RASGEF1A: variants seen among roughly 807,000 people sequenced by gnomAD.
RASGEF1A encodes ras-GEF domain-containing family member 1A.
In RASGEF1A, 18 loss-of-function variants were observed where a neutral mutation model predicts 56.4. That is an observed-to-expected ratio of 0.32 (90% CI 0.22 to 0.47). The LOEUF (loss-of-function observed/expected upper bound fraction) is 0.47, where lower values mean the gene tolerates loss of function less well. RASGEF1A is among the 20% of genes least tolerant of loss of function. The pLI is 1.00. For missense variants in RASGEF1A, 422 were observed against 627.1 expected (o/e 0.67, Z 3.49); for synonymous variants, 245 against 242.6 (o/e 1.01, Z -0.09).
chr10:43,240,523 C>T (rs1049858627), intron 1 of RASGEF1A, among the ~76,000 whole-genome samples: 1 of 151,864 alleles, frequency 6.6e-6, no homozygotes, highest in Middle Eastern at 3.2e-3. Flanking sequence ...TAAAGGAATA[C>T]AAATTATAAA....
chr10:43,228,142 C>CT (rs1564536780), intron 1 of RASGEF1A, among the ~76,000 whole-genome samples: 1 of 152,214 alleles, frequency 6.6e-6, no homozygotes, highest in Non-Finnish European at 1.5e-5. Context: ...GTCCCACCTC[C>CT]TCTTGGGCTC....
At position 43,215,509 on chromosome 10, in the gene RASGEF1A, G is replaced by A. The variant is rs117219510; in HGVS notation, c.-6-9387C>T. 8.8e-3 allele frequency among the ~76,000 whole-genome samples: 1,344 copies of A among 152,340 alleles called. 11 individuals carry two copies. Among genetic ancestry groups the A allele is most frequent in the Admixed American group, 0.013 (203 of 15,306 alleles). On this transcript the variant is annotated intron_variant, in intron 1 of 12. Coordinates refer to ENST00000395810, the MANE Select transcript of RASGEF1A (RefSeq NM_145313.4). ...GTGGGCCTCAGGAGGGGAGAGACCT[G>A]CGCACCTACCTGTGCTGGGCTGGAT...
intron 1 of RASGEF1A, among the ~76,000 whole-genome samples, chr10:43,237,995 G>C (rs1455775758): frequency 6.6e-6 from 1 of 152,126 alleles, no homozygotes; most frequent in Non-Finnish European, 1.5e-5. Context: ...CATCAGGGGA[G>C]TGGGCCACAC....
chr10:43,203,291 G>C lies in RASGEF1A; in HGVS notation c.321+7C>G. On this transcript the variant is annotated splice_region_variant and intron_variant, in intron 3 of 12. Coordinates refer to ENST00000395810, the MANE Select transcript of RASGEF1A (RefSeq NM_145313.4). The stretch of plus-strand genomic sequence containing the variant: ...CCCGCCCGTGCCCCAGCCAGGCCCC[G>C]CCTCACCTTTTCAGGCCCGGCTTCC... 1 of 1,540,006 alleles carries C rather than the reference G, an allele frequency of 6.5e-7. No homozygotes were observed. The highest frequency in any genetic ancestry group is 8.8e-7 in the Non-Finnish European group (1 of 1,141,562).
At chr10:43,243,592 C>T (rs567251101) in intron 1 of RASGEF1A, among the ~76,000 whole-genome samples, 28 of 146,814 alleles carry the variant, frequency 1.9e-4, no homozygotes, top group Middle Eastern at 3.9e-3. Flanking sequence ...TCTGCCTGGC[C>T]GCTGCCCCAT....
intron 1 of RASGEF1A, among the ~76,000 whole-genome samples, chr10:43,248,549 C>T (rs1416968123): frequency 6.6e-6 from 1 of 152,146 alleles, no homozygotes; most frequent in African/African-American, 2.4e-5. Context: ...GGACAGCACT[C>T]GATGACCCTC....
At chr10:43,253,008 G>GCCAC (rs1840644640) in intron 1 of RASGEF1A, among the ~76,000 whole-genome samples, 1 of 152,206 alleles carries the variant, frequency 6.6e-6, no homozygotes, top group Non-Finnish European at 1.5e-5. Flanking sequence ...CGAGTTCAAA[G>GCCAC]GAGCCCATCG....
intron 2 of RASGEF1A, chr10:43,203,946 A>C (rs1440552486): frequency 6.1e-6 from 1 of 163,078 alleles, no homozygotes. Context: ...GGGCCCCATC[A>C]GCAGGGGCGG....
intron 1 of RASGEF1A, chr10:43,207,098 G>C (rs1413430896): frequency 2.0e-6 from 2 of 985,478 alleles, no homozygotes; most frequent in East Asian, 2.3e-4. Context: ...GCCAAGTGGG[G>C]ACTGGACGAT....
intron 6 of RASGEF1A, 145 bp from the exon 7 acceptor site, chr10:43,199,913 G>A: frequency 1.3e-6 from 1 of 748,898 alleles, no homozygotes; most frequent in East Asian, 2.7e-5. Flanking sequence ...GCTGCCCAGT[G>A]CAGGGCTGGC....
intron 1 of RASGEF1A, among the ~76,000 whole-genome samples, chr10:43,227,843 C>T (rs188493832): frequency 3.5e-4 from 53 of 152,246 alleles, no homozygotes; most frequent in African/African-American, 1.2e-3. Flanking sequence ...CCTGACCTTC[C>T]CCATCTCAAT....
chr10:43,263,905 A>C (rs1836578280), intron 1 of RASGEF1A, among the ~76,000 whole-genome samples: 1 of 150,398 alleles, frequency 6.6e-6, no homozygotes, highest in African/African-American at 2.5e-5. Flanking sequence ...TCACACCCCC[A>C]CCCCGTCCAT....
At chr10:43,252,918 A>T (rs901656277) in intron 1 of RASGEF1A, among the ~76,000 whole-genome samples, 2 of 151,852 alleles carry the variant, frequency 1.3e-5, no homozygotes, top group African/African-American at 4.8e-5. Flanking sequence ...CATCGTCCGC[A>T]CCCCACTGGA....
intron 1 of RASGEF1A, among the ~76,000 whole-genome samples, chr10:43,252,114 G>A (rs1446941597): frequency 1.3e-5 from 2 of 152,218 alleles, no homozygotes; most frequent in Non-Finnish European, 2.9e-5. Flanking sequence ...GATGACCAAG[G>A]ACAGTGCCTG....
At chr10:43,263,096 A>G (rs1488949138) in intron 1 of RASGEF1A, among the ~76,000 whole-genome samples, 1 of 152,140 alleles carries the variant, frequency 6.6e-6, no homozygotes, top group Non-Finnish European at 1.5e-5. Flanking sequence ...CCCAGAGGAC[A>G]GGTGGGGGCT....
intron 1 of RASGEF1A, among the ~76,000 whole-genome samples, chr10:43,257,140 G>A (rs1836430198): frequency 1.3e-5 from 2 of 152,198 alleles, no homozygotes; most frequent in South Asian, 4.1e-4. Context: ...CTCAGGTGGG[G>A]GTGAGGGTGA....
chr10:43,198,849 C>A (rs1394082114), intron 9 of RASGEF1A, 84 bp downstream of exon 9: 20 of 1,280,358 alleles, frequency 1.6e-5, no homozygotes, highest in South Asian at 1.4e-4. Context: ...GGCAGCCCCC[C>A]ACCCCCACTG....
chr10:43,201,548 G>A (rs1280617817), intron 4 of RASGEF1A, among the ~76,000 whole-genome samples: 24 of 152,238 alleles, frequency 1.6e-4, no homozygotes, highest in Admixed American at 1.5e-3. Flanking sequence ...GGCCAGGAGA[G>A]GGTTGAGACA....
At chr10:43,225,812 G>A (rs149223820) in intron 1 of RASGEF1A, among the ~76,000 whole-genome samples, 19 of 152,312 alleles carry the variant, frequency 1.2e-4, no homozygotes, top group Non-Finnish European at 2.5e-4. Context: ...TGGCCCCAGG[G>A]AGGTCCCCAG....
Sources: allele counts gnomAD v4.1 joint callset (sites outside exome capture counted in the v4.1 genomes callset), GRCh38; gene constraint gnomAD v4.1.1; transcripts MANE v1.5; gene names NCBI Gene and HGNC (gene_info 2026-07-23, HGNC 2026-07-21).